The following CLIC5 variants were observed in gnomAD, a reference collection of about 807,000 sequenced individuals.
CLIC5 encodes CLIC family member 5.
CLIC5 carries 20 observed loss-of-function variants against 24.7 expected under a neutral mutation model. The observed-to-expected ratio is 0.81, with a 90% CI of 0.57 to 1.18. CLIC5 has a LOEUF of 1.18. Among genes scored for constraint, CLIC5 ranks in the 50% most tolerant of loss-of-function variants. The probability of loss-of-function intolerance (pLI) is 0.00; values close to 1 mark genes in which losing one functional copy is unlikely to be tolerated. For synonymous variants in CLIC5, 159 were observed against 135.6 expected (o/e 1.17, Z -1.20); for missense variants, 341 against 326.1 (o/e 1.05, Z -0.35).
At chr6:46,039,033 A>G (rs1187892741) in intron 1 of CLIC5, among the ~76,000 whole-genome samples, 5 of 152,208 alleles carry the variant, frequency 3.3e-5, no homozygotes, top group Non-Finnish European at 5.9e-5. Context: ...TTAAAAGGAT[A>G]CAATCTTATA....
At chr6:46,047,285 T>C (rs1033088962) in intron 1 of CLIC5, among the ~76,000 whole-genome samples, 1 of 152,210 alleles carries the variant, frequency 6.6e-6, no homozygotes, top group African/African-American at 2.4e-5. Flanking sequence ...ATAGTTACAT[T>C]ATTGTTAACC....
At chr6:46,062,421 T>C (rs1562031334) in intron 1 of CLIC5, among the ~76,000 whole-genome samples, 1 of 152,240 alleles carries the variant, frequency 6.6e-6, no homozygotes, top group Non-Finnish European at 1.5e-5. Flanking sequence ...CAATGTACTG[T>C]CTTATTTATT....
At chr6:46,009,301 C>T (rs1229296440) in intron 1 of CLIC5, among the ~76,000 whole-genome samples, 1 of 151,996 alleles carries the variant, frequency 6.6e-6, no homozygotes, top group East Asian at 1.9e-4. Flanking sequence ...CTTATTTGTC[C>T]TTAAAGAATT....
At chr6:46,058,025 A>G (rs1768308791) in intron 1 of CLIC5, among the ~76,000 whole-genome samples, 2 of 152,150 alleles carry the variant, frequency 1.3e-5, no homozygotes, top group Admixed American at 1.3e-4. Context: ...TGCCCCTGAA[A>G]GATCAATCAC....
intron 1 of CLIC5, among the ~76,000 whole-genome samples, chr6:46,053,883 T>G (rs767066358): frequency 1.8e-4 from 28 of 152,170 alleles, no homozygotes; most frequent in Non-Finnish European, 5.9e-5. Context: ...TTACAACCTC[T>G]GAGAACTAGA....
chr6:45,976,718 G>A (rs10456556), intron 1 of CLIC5, among the ~76,000 whole-genome samples: 41,012 of 152,016 alleles, frequency 0.27, 6,647 homozygotes, highest in Middle Eastern at 0.42. Flanking sequence ...TGGATCAAAC[G>A]TAGTGATTCT....
chr6:46,008,766 T>C (rs1281787580), intron 1 of CLIC5, among the ~76,000 whole-genome samples: 1 of 152,160 alleles, frequency 6.6e-6, no homozygotes, highest in African/African-American at 2.4e-5. Context: ...GTCAAAAGCA[T>C]TTCTTTCCTC....
chr6:45,936,849 C>G (rs966688118), intron 4 of CLIC5, among the ~76,000 whole-genome samples: 3 of 152,240 alleles, frequency 2.0e-5, no homozygotes, highest in Non-Finnish European at 2.9e-5. Context: ...CAAGTAGCAC[C>G]TGACTTAATG....
chr6:46,101,560 C>T, the CLIC5 span, among the ~76,000 whole-genome samples: 1 of 152,168 alleles, frequency 6.6e-6, no homozygotes, highest in African/African-American at 2.4e-5. Context: ...AAGCTCCTTT[C>T]CTTGTAAAGG....
intron 5 of CLIC5, among the ~76,000 whole-genome samples, chr6:45,909,907 C>T (rs1051046235): frequency 2.6e-5 from 4 of 152,166 alleles, no homozygotes; most frequent in African/African-American, 9.7e-5. Flanking sequence ...ATCAGTCACT[C>T]TGGGCTTTTG....
intron 1 of CLIC5, among the ~76,000 whole-genome samples, chr6:45,960,665 G>A (rs754947887): frequency 2.2e-4 from 33 of 152,158 alleles, no homozygotes; most frequent in Non-Finnish European, 1.3e-4. Context: ...ATGTCCAGCC[G>A]GCCTATGGCC....
intron 1 of CLIC5, among the ~76,000 whole-genome samples, chr6:46,023,943 A>T (rs1562010682): frequency 6.6e-6 from 1 of 152,224 alleles, no homozygotes; most frequent in African/African-American, 2.4e-5. Flanking sequence ...TCTGACCTAC[A>T]CATCTGATTT....
the CLIC5 span, among the ~76,000 whole-genome samples, chr6:46,111,720 G>T: frequency 6.6e-6 from 1 of 152,160 alleles, no homozygotes; most frequent in Non-Finnish European, 1.5e-5. Context: ...AAGGTGATAT[G>T]GTTTGGCTGT....
At chr6:45,971,409 A>C (rs1209197) in intron 1 of CLIC5, among the ~76,000 whole-genome samples, 99,570 of 152,010 alleles carry the variant, frequency 0.66, 32,954 homozygotes, top group Admixed American at 0.73. Context: ...GTCTCCACCC[A>C]AACCCCCACC....
the CLIC5 span, among the ~76,000 whole-genome samples, chr6:46,109,407 C>T: frequency 7.4e-5 from 11 of 148,254 alleles, no homozygotes; most frequent in South Asian, 2.2e-4. Context: ...CTGCCTGGTG[C>T]GGTGGCTTAC....
At chr6:45,955,641 C>T (rs964889760) in intron 1 of CLIC5, among the ~76,000 whole-genome samples, 4 of 152,086 alleles carry the variant, frequency 2.6e-5, no homozygotes, top group African/African-American at 9.7e-5. Flanking sequence ...GTATTAATAT[C>T]TCTCAAAGCA....
intron 1 of CLIC5, among the ~76,000 whole-genome samples, chr6:46,024,144 G>A (rs995885891): frequency 2.0e-5 from 3 of 152,122 alleles, no homozygotes; most frequent in Non-Finnish European, 2.9e-5. Flanking sequence ...AAACACCCAC[G>A]ATCACACAAA....
At chr6:46,050,747 G>A (rs913872310) in intron 1 of CLIC5, among the ~76,000 whole-genome samples, 25 of 152,082 alleles carry the variant, frequency 1.6e-4, no homozygotes, top group Non-Finnish European at 1.5e-5. Flanking sequence ...TACTTTTCAG[G>A]TATAATGGAC....
the CLIC5 span, among the ~76,000 whole-genome samples, chr6:46,103,994 G>T: frequency 2.5e-4 from 38 of 152,218 alleles, no homozygotes; most frequent in Non-Finnish European, 5.3e-4. Flanking sequence ...TTGATTAATA[G>T]GAGAAAAGGA....
Sources: allele counts gnomAD v4.1 joint callset (sites outside exome capture counted in the v4.1 genomes callset), GRCh38; gene constraint gnomAD v4.1.1; transcripts MANE v1.5; gene names NCBI Gene and HGNC (gene_info 2026-07-23, HGNC 2026-07-21).